Variants in IL16 observed in about 807,000 individuals in gnomAD.
The protein encoded by IL16 is interleukin 16, also known as pro-interleukin-16.
IL16 carries 67 observed loss-of-function variants against 110.1 expected under a neutral mutation model. The ratio of observed to expected loss-of-function variants is 0.61; its 90% confidence interval spans 0.50 to 0.75. The LOEUF is 0.75. Among genes scored for constraint, IL16 ranks in the 30% least tolerant of loss-of-function variants. The pLI is 0.00. For missense variants in IL16, 1,545 were observed against 1,655.0 expected (o/e 0.93, Z 1.15); for synonymous variants, 689 against 662.9 (o/e 1.04, Z -0.61).
intron 1 of IL16, chr15:81,182,899 G>T: frequency 7.8e-7 from 1 of 1,288,694 alleles, no homozygotes; most frequent in South Asian, 1.2e-5. Flanking sequence ...GCAGAACGGT[G>T]AGTGGAGCTC....
At chr15:81,241,572 A>G (rs575780116) in intron 2 of IL16, among the ~76,000 whole-genome samples, 1 of 152,078 alleles carries the variant, frequency 6.6e-6, no homozygotes, top group Non-Finnish European at 1.5e-5. Context: ...TAATAATTCT[A>G]TTTATGAACT....
intron 1 of IL16, among the ~76,000 whole-genome samples, chr15:81,218,390 A>G (rs540196953): frequency 4.6e-5 from 7 of 152,342 alleles, no homozygotes; most frequent in African/African-American, 1.7e-4. Flanking sequence ...AATTTTCTAA[A>G]AAGTCCCTGG....
At chr15:81,261,344 G>A (rs1003234762) in intron 3 of IL16, among the ~76,000 whole-genome samples, 3 of 152,320 alleles carry the variant, frequency 2.0e-5, no homozygotes, top group Admixed American at 6.5e-5. Context: ...GCTGAACCCC[G>A]CAGAGCTCCC....
In IL16 at chr15:81,303,695, T is replaced by C; in HGVS notation, c.3420+45T>C. Reference sequence around the variant, plus strand: ...GGCATGTCACAGCCAGAGGCAATGGTTCTGGGGGAGGGGGACACACTTGCC... The same window carrying C: ...GGCATGTCACAGCCAGAGGCAATGGCTCTGGGGGAGGGGGACACACTTGCC... On this transcript the variant is annotated intron_variant, in intron 16 of 18. Transcript: ENST00000683961. The surrounding 1 kb of genome is among the most constrained non-coding windows in gnomAD (Gnocchi z 4.1). 4 of 1,295,588 alleles carry C rather than the reference T, an allele frequency of 3.1e-6. No individual in the cohort carries two copies. The highest frequency in any genetic ancestry group is 4.5e-6 in the Non-Finnish European group (4 of 890,640). 80.3% of individuals were successfully genotyped at this position (1,295,588 alleles called of 1,614,324 possible).
In IL16 at chr15:81,295,826, A is replaced by G. The variant is rs200705847; in HGVS notation, c.1903-1102A>G. On this transcript the variant is annotated intron_variant, in intron 12 of 18. Coordinates refer to ENST00000683961, the MANE Select transcript of IL16 (RefSeq NM_172217.5). ...CAATGTAGATCTTAAATTTCAGGTC[A>G]TGGATATTTGCCATTGCTTTTTTAG... 2.6e-5 allele frequency among the ~76,000 whole-genome samples: 4 copies of G among 152,194 alleles called. No homozygotes were observed. In the East Asian group the frequency reaches 7.7e-4, roughly 29 times the overall value.
intron 10 of IL16, among the ~76,000 whole-genome samples, chr15:81,289,486 T>C (rs1360192823): frequency 6.6e-6 from 1 of 152,190 alleles, no homozygotes; most frequent in Non-Finnish European, 1.5e-5. Flanking sequence ...GTGTGTGAGG[T>C]GGTAACTCAG....
intron 2 of IL16, among the ~76,000 whole-genome samples, chr15:81,232,042 G>GTTTTTTTTTTTTTTTTTTTTTTTTTT: frequency 8.7e-5 from 5 of 57,694 alleles, no homozygotes; most frequent in African/African-American, 1.3e-4. Flanking sequence ...ATTTGTTCTT[G>GTTTTTTTTTTTTTTTTTTTTTTTTTT]TTTTTTTTTT....
intron 1 of IL16, among the ~76,000 whole-genome samples, chr15:81,184,668 A>G (rs1315731229): frequency 6.6e-6 from 1 of 152,234 alleles, no homozygotes; most frequent in African/African-American, 2.4e-5. Context: ...CAACTACTCA[A>G]TACATTTGAC....
intron 1 of IL16, among the ~76,000 whole-genome samples, chr15:81,184,747 G>A (rs566414660): frequency 2.6e-5 from 4 of 152,246 alleles, no homozygotes; most frequent in Non-Finnish European, 5.9e-5. Flanking sequence ...CACCTGTCCA[G>A]TTAAATCCTT....
At chr15:81,215,162 A>G (rs150971761) in intron 1 of IL16, among the ~76,000 whole-genome samples, 1 of 152,334 alleles carries the variant, frequency 6.6e-6, no homozygotes, top group African/African-American at 2.4e-5. Context: ...TTGCTAGGGA[A>G]CTAGTGGACT....
chr15:81,292,658 T>A lies in IL16; in HGVS notation c.1523T>A (p.Ile508Asn). The part of the protein sequence containing the change: ...PPHRRAQKVM[I>N]RSSSDSSYMS... ...CATCGCAGGGCTCAGAAGGTCATGATCCGCTCCAGCAGTGACAGCAGCTAC... is the reference window on the plus strand; with the variant it reads ...CATCGCAGGGCTCAGAAGGTCATGAACCGCTCCAGCAGTGACAGCAGCTAC... The change falls in exon 12 of 19, where the codon ATC (isoleucine) becomes AAC (asparagine). Residue 508 changes from isoleucine to asparagine, a missense_variant. Ile to Asn is a moderately radical substitution (Grantham distance 149). Coordinates refer to ENST00000683961, the MANE Select transcript of IL16 (RefSeq NM_172217.5). The A allele has an allele frequency of 6.2e-7, 1 of 1,613,956 alleles. No homozygotes were observed. The highest frequency in any genetic ancestry group is 1.1e-5 in the South Asian group (1 of 91,058).
At chr15:81,218,821 G>A (rs968072843) in intron 1 of IL16, among the ~76,000 whole-genome samples, 1 of 151,918 alleles carries the variant, frequency 6.6e-6, no homozygotes, top group African/African-American at 2.4e-5. Context: ...TTATTGTTGT[G>A]ATTGGCTGCA....
At position 81,308,646 on chromosome 15, in the gene IL16, G is replaced by C. The variant is rs1303098639; in HGVS notation, c.3847G>C (p.Glu1283Gln). Residue 1283 changes from glutamate to glutamine, a missense_variant, in exon 19 of 19, where the codon GAA (glutamate) becomes CAA (glutamine). Coordinates refer to ENST00000683961, the MANE Select transcript of IL16 (RefSeq NM_172217.5). Reference sequence around the variant, plus strand: ...AAGTGAGACAGTCCAGCCTGGAGATGAAATCTTACAGCTGGGTGGCACTGC... The same window carrying C: ...AAGTGAGACAGTCCAGCCTGGAGATCAAATCTTACAGCTGGGTGGCACTGC... ...EQSETVQPGD[E>Q]ILQLGGTAMQ... 6.2e-7 allele frequency: 1 copy of C among 1,613,568 alleles called. No homozygotes were observed. Among genetic ancestry groups the C allele is most frequent in the South Asian group, 1.1e-5 (1 of 91,022 alleles).
intron 2 of IL16, among the ~76,000 whole-genome samples, chr15:81,234,512 T>C (rs1897118153): frequency 6.6e-6 from 1 of 152,194 alleles, no homozygotes; most frequent in Admixed American, 6.5e-5. Flanking sequence ...CAAATAATGC[T>C]AAAACCTTAG....
chr15:81,195,241 A>T (rs1449703966), upstream of IL16, among the ~76,000 whole-genome samples: 1 of 152,092 alleles, frequency 6.6e-6, no homozygotes, highest in Non-Finnish European at 1.5e-5. Context: ...TTAGTGGAGG[A>T]GGGGGGCTGT....
intron 1 of IL16, among the ~76,000 whole-genome samples, chr15:81,211,067 G>A (rs1450661838): frequency 2.0e-5 from 3 of 151,874 alleles, no homozygotes; most frequent in East Asian, 3.9e-4. Context: ...TTGTTTGTTT[G>A]TTTGTTTTCA....
intron 1 of IL16, 34 bp from the exon 2 acceptor site, chr15:81,225,265 C>T: frequency 2.0e-6 from 3 of 1,470,898 alleles, no homozygotes; most frequent in Non-Finnish European, 2.7e-6. Flanking sequence ...AGCAGCAAGT[C>T]ACATTGCTTC....
In IL16 at chr15:81,305,616, A is replaced by G. The variant is rs553544906; in HGVS notation, c.3421-292A>G. ...CTTCTGACCTAGGGCAGGTGAAGCA[A>G]AAGATTTTATATGGAATCCCAACTA... On this transcript the variant is annotated intron_variant, in intron 16 of 18. Transcript: ENST00000683961. The G allele has an allele frequency of 3.0e-5, 11 of 366,434 alleles. No individual in the cohort carries two copies. In the South Asian group the frequency reaches 4.7e-4, roughly 16 times the overall value. The allele number at this position is 366,434 out of a possible 1,614,324, so 22.7% of individuals were successfully genotyped here.
intron 6 of IL16, among the ~76,000 whole-genome samples, chr15:81,275,526 G>A (rs1025825846): frequency 1.3e-5 from 2 of 151,942 alleles, no homozygotes; most frequent in Non-Finnish European, 2.9e-5. Context: ...ATTATCTTTT[G>A]TACTTTTCTG....
Sources: gnomAD v4.1 joint callset for allele counts (sites outside exome capture counted in the v4.1 genomes callset) on GRCh38, gnomAD v4.1.1 for gene constraint, Gnocchi (gnomAD v3.1) non-coding constraint, MANE v1.5 for transcripts, NCBI Gene and HGNC (gene_info 2026-07-23, HGNC 2026-07-21) for gene names.